Variants in DAB1 observed in about 807,000 individuals in gnomAD.
The protein encoded by DAB1 is disabled homolog 1.
In DAB1, 15 loss-of-function variants were observed where a neutral mutation model predicts 64.6. The observed-to-expected ratio is 0.23, with a 90% confidence interval of 0.16 to 0.36. The LOEUF is 0.36. DAB1 is among the 10% of genes least tolerant of loss of function. DAB1 has a pLI of 1.00. For synonymous variants in DAB1, 235 were observed against 251.9 expected (o/e 0.93, Z 0.64); for missense variants, 596 against 706.7 (o/e 0.84, Z 1.78).
At chr1:58,373,942 T>C (rs1017714000) in intron 3 of DAB1, among the ~76,000 whole-genome samples, 5 of 149,252 alleles carry the variant, frequency 3.4e-5, no homozygotes, top group African/African-American at 7.4e-5. Context: ...ATGGTGAGCA[T>C]TTTTTCATGT....
chr1:57,461,975 CAA>C (rs1686799091), intron 7 of DAB1, among the ~76,000 whole-genome samples: 1 of 88,210 alleles, frequency 1.1e-5, no homozygotes, highest in Admixed American at 1.6e-4. Flanking sequence ...TTTTTTTACA[CAA>C]AGTCTTGTCC....
At chr1:58,149,099 T>C (rs1264002551) in intron 5 of DAB1, among the ~76,000 whole-genome samples, 1 of 152,170 alleles carries the variant, frequency 6.6e-6, no homozygotes, top group African/African-American at 2.4e-5. Context: ...TTCTCTCCAT[T>C]CCACTATCTC....
At chr1:57,720,193 A>T (rs1243045530) in intron 6 of DAB1, among the ~76,000 whole-genome samples, 1 of 152,140 alleles carries the variant, frequency 6.6e-6, no homozygotes. Context: ...TGTACTGCAC[A>T]CTCCGATGCA....
At chr1:57,696,533 T>C (rs936254567) in intron 6 of DAB1, among the ~76,000 whole-genome samples, 3 of 152,156 alleles carry the variant, frequency 2.0e-5, no homozygotes, top group Admixed American at 6.5e-5. Flanking sequence ...CCTGTGCCAG[T>C]GACAGTGCCT....
intron 6 of DAB1, among the ~76,000 whole-genome samples, chr1:57,818,027 C>T (rs1207787773): frequency 6.6e-6 from 1 of 152,054 alleles, no homozygotes; most frequent in East Asian, 1.9e-4. Flanking sequence ...ATACTCACCT[C>T]CTGAACTCCC....
intron 5 of DAB1, among the ~76,000 whole-genome samples, chr1:58,037,390 A>C (rs1570260743): frequency 6.6e-6 from 1 of 152,146 alleles, no homozygotes; most frequent in African/African-American, 2.4e-5. Context: ...CTGTGGATGA[A>C]TACTAGTCTG....
intron 7 of DAB1, among the ~76,000 whole-genome samples, chr1:57,495,956 C>T (rs1487427575): frequency 6.6e-6 from 1 of 152,184 alleles, no homozygotes; most frequent in African/African-American, 2.4e-5. Context: ...TCATTTCTGT[C>T]TCATTACCAA....
At chr1:57,172,064 T>C (rs549114162) in intron 2 of DAB1, among the ~76,000 whole-genome samples, 1 of 152,278 alleles carries the variant, frequency 6.6e-6, no homozygotes, top group African/African-American at 2.4e-5. Context: ...TGGCATCTTC[T>C]GGCTTGTAGA....
At chr1:57,427,202 C>T (rs184118459), upstream of DAB1, among the ~76,000 whole-genome samples, 1,322 of 152,288 alleles carry the variant, frequency 8.7e-3, 23 homozygotes, top group African/African-American at 0.03. Context: ...AAATCAGTCA[C>T]CTGGTAAACA....
chr1:57,494,365 C>T (rs964040442), intron 7 of DAB1, among the ~76,000 whole-genome samples: 1 of 152,084 alleles, frequency 6.6e-6, no homozygotes, highest in Non-Finnish European at 1.5e-5. Flanking sequence ...CCAAAAAGTG[C>T]TAATGCACAA....
chr1:57,828,416 C>T (rs1364814416), intron 1 of DAB1, among the ~76,000 whole-genome samples: 2 of 152,202 alleles, frequency 1.3e-5, no homozygotes, highest in Non-Finnish European at 2.9e-5. Context: ...TTATCTTCCA[C>T]CCCACCTCCT....
intron 7 of DAB1, among the ~76,000 whole-genome samples, chr1:57,524,416 G>C (rs1644566708): frequency 6.6e-6 from 1 of 152,222 alleles, no homozygotes; most frequent in African/African-American, 2.4e-5. Context: ...TCCATGTGGA[G>C]AGACCACCAA....
chr1:58,228,288 G>A (rs1428934371), intron 4 of DAB1, among the ~76,000 whole-genome samples: 1 of 152,206 alleles, frequency 6.6e-6, no homozygotes, highest in Non-Finnish European at 1.5e-5. Flanking sequence ...TTAGGCAGTA[G>A]ATGTTAGGTA....
At chr1:58,542,719 T>G (rs914004841) in intron 1 of DAB1, among the ~76,000 whole-genome samples, 2 of 152,250 alleles carry the variant, frequency 1.3e-5, no homozygotes, top group African/African-American at 2.4e-5. Flanking sequence ...CTGTAGTAGA[T>G]AAGCTTCAGA....
intron 2 of DAB1, among the ~76,000 whole-genome samples, chr1:58,515,004 T>C (rs1229894614): frequency 6.6e-6 from 1 of 152,188 alleles, no homozygotes; most frequent in Non-Finnish European, 1.5e-5. Flanking sequence ...GCCCAGCACA[T>C]TAAAAATGTT....
At chr1:58,186,579 T>C (rs1657089449) in intron 4 of DAB1, among the ~76,000 whole-genome samples, 3 of 152,244 alleles carry the variant, frequency 2.0e-5, no homozygotes, top group Admixed American at 6.5e-5. Context: ...GGAGTTGTTA[T>C]TTAATTCTCA....
At position 57,296,325 on chromosome 1, in the gene DAB1, GT is replaced by G. The variant is rs1429126487; in HGVS notation, c.-136-5160del. On this transcript the variant is annotated intron_variant, in intron 1 of 14. Transcript: ENST00000371236. ...TGTATAGGTATGAATGTATATATGT[GT>G]TGATATGCAACTATTTCCTATCTCT... is the stretch of plus-strand genomic sequence containing the variant. 5.9e-5 allele frequency among the ~76,000 whole-genome samples: 9 copies of G among 152,212 alleles called. No individual in the cohort carries two copies. In the East Asian group the frequency reaches 7.7e-4, roughly 13 times the overall value.
chr1:57,856,850 A>G (rs1275701381), intron 1 of DAB1, among the ~76,000 whole-genome samples: 1 of 152,208 alleles, frequency 6.6e-6, no homozygotes, highest in Non-Finnish European at 1.5e-5. Context: ...TGTTCAACAG[A>G]TGGCTGGACC....
chr1:58,266,037 C>CA (rs1661151069), intron 4 of DAB1, among the ~76,000 whole-genome samples: 1 of 93,310 alleles, frequency 1.1e-5, no homozygotes, highest in Non-Finnish European at 2.2e-5. Context: ...CACACATACA[C>CA]CCCACCACCA....
Sources: allele counts gnomAD v4.1 joint callset (sites outside exome capture counted in the v4.1 genomes callset), GRCh38; gene constraint gnomAD v4.1.1; transcripts MANE v1.5; gene names NCBI Gene and HGNC (gene_info 2026-07-23, HGNC 2026-07-21).